The following AKAP8L variants were observed in gnomAD, a reference collection of about 807,000 sequenced individuals.
AKAP8L encodes A-kinase anchoring protein 8 like, also known as A-kinase anchor protein 8-like.
In AKAP8L, 34 loss-of-function variants were observed where a neutral mutation model predicts 77.5. The ratio of observed to expected loss-of-function variants is 0.44; its 90% confidence interval spans 0.33 to 0.58. The LOEUF (loss-of-function observed/expected upper bound fraction) is 0.58, where lower values mean the gene tolerates loss of function less well. Among genes scored for constraint, AKAP8L ranks in the 20% least tolerant of loss-of-function variants. The pLI is 0.02. For synonymous variants in AKAP8L, 342 were observed against 340.7 expected (o/e 1.00, Z -0.04); for missense variants, 806 against 887.6 (o/e 0.91, Z 1.17).
chr19:15,399,880 G>C lies in AKAP8L; in HGVS notation c.1048+415C>G, dbSNP rs1226761375. 2 of 320,428 alleles carry C rather than the reference G, an allele frequency of 6.2e-6. No homozygotes were observed. Among genetic ancestry groups the C allele is most frequent in the African/African-American group, 4.2e-5 (2 of 47,188 alleles). The allele number at this position is 320,428 out of a possible 1,614,324, so 19.8% of individuals were successfully genotyped here. On this transcript the variant is annotated intron_variant, in intron 8 of 13. Coordinates refer to ENST00000397410, the MANE Select transcript of AKAP8L (RefSeq NM_014371.4). This position sits in a 1 kb window ranked among gnomAD's most constrained non-coding sequence, Gnocchi z 6.1. ...GGGGGGACACGGAATCCCAACAGGG[G>C]CTGGAGAGGTGCTAAGGGAGAGGAT... is the stretch of plus-strand genomic sequence containing the variant.
At position 15,401,152 on chromosome 19, in the gene AKAP8L, G is replaced by A. The variant is rs755767617; in HGVS notation, c.814C>T (p.Arg272Ter). ...TWKTWTTADF[R>*]TKKKKRKQGG... ...AGGGGAAGGCTGCCTCCACTCACTC[G>A]GAAGTCGGCTGTGGTCCAGGTCTTC... The change falls in exon 5 of 14, where the codon CGA (arginine) becomes TGA (stop). Residue 272 changes from arginine to a stop codon, truncating the protein, a stop_gained and splice_region_variant. Coordinates refer to ENST00000397410, the MANE Select transcript of AKAP8L (RefSeq NM_014371.4). LOFTEE classifies it high-confidence loss of function. The surrounding 1 kb of genome is among the most constrained non-coding windows in gnomAD (Gnocchi z 6.2). 5 of 1,605,478 alleles carry A rather than the reference G, an allele frequency of 3.1e-6. No homozygotes were observed. The highest frequency in any genetic ancestry group is 1.7e-4 in the Middle Eastern group (1 of 6,052).
At chr19:15,380,711 C>A in intron 12 of AKAP8L, 99 bp from the exon 13 acceptor site, 4 of 1,042,680 alleles carry the variant, frequency 3.8e-6, no homozygotes, top group East Asian at 2.5e-5. Context: ...CCCGCCCCTG[C>A]ACCCACGCAC....
rs1326341265 is a variant in AKAP8L at position 15,400,988 on chromosome 19, G to A, written c.872C>T (p.Ala291Val). 1 of 1,613,964 alleles carries A rather than the reference G, an allele frequency of 6.2e-7. No individual in the cohort carries two copies. The highest frequency in any genetic ancestry group is 2.2e-5 in the East Asian group (1 of 44,868). ...GGSPDEPDSK[A>V]TRTDCSDNSD... Reference sequence around the variant, plus strand: ...GTTGTCCGAGCAGTCCGTGCGGGTGGCTTTGCTATCTGGCTCATCAGGACT... The same window carrying A: ...GTTGTCCGAGCAGTCCGTGCGGGTGACTTTGCTATCTGGCTCATCAGGACT... Residue 291 changes from alanine (A) to valine (V), a missense_variant, in exon 6 of 14, where the codon GCC (alanine) becomes GTC (valine). Physicochemically the swap from Ala to Val is moderately conservative, Grantham distance 64. Coordinates refer to ENST00000397410, the MANE Select transcript of AKAP8L (RefSeq NM_014371.4).
Position 15,401,576 on chromosome 19 carries a change from C to G in AKAP8L, c.390G>C (p.Ser130=), listed in dbSNP as rs376187493. Residue 130 remains serine (S), a synonymous_variant, in exon 5 of 14, where the codon TCG becomes TCC. Coordinates refer to ENST00000397410, the MANE Select transcript of AKAP8L (RefSeq NM_014371.4). The surrounding 1 kb of genome is among the most constrained non-coding windows in gnomAD (Gnocchi z 6.2). ...ERYDSYESCD[S]RAVLSERDLY... ...GGTCGCGCTCACTCAGGACGGCCCT[C>G]GAGTCGCAGGACTCATAAGAGTCAT... 5 of 1,607,428 alleles carry G rather than the reference C, an allele frequency of 3.1e-6. 1 individual carries two copies. The Middle Eastern group carries it at 8.3e-4, about 266-fold the overall frequency.
chr19:15,384,585 G>C (rs953067379), intron 12 of AKAP8L, among the ~76,000 whole-genome samples: 1 of 152,148 alleles, frequency 6.6e-6, no homozygotes, highest in African/African-American at 2.4e-5. Context: ...ACAGGCATGA[G>C]CCACCATGCC....
At chr19:15,416,858 AC>A (rs1968216919) in intron 1 of AKAP8L, among the ~76,000 whole-genome samples, 1 of 152,150 alleles carries the variant, frequency 6.6e-6, no homozygotes. Flanking sequence ...TTTATCAGTC[AC>A]CTTTTATGTT....
chr19:15,398,880 A>G lies in AKAP8L; in HGVS notation c.1157+422T>C. 2.3e-6 allele frequency: 2 copies of G among 881,008 alleles called. No homozygotes were observed. The highest frequency in any genetic ancestry group is 1.4e-6 in the Non-Finnish European group (1 of 717,194). 54.6% of individuals were successfully genotyped at this position (881,008 alleles called of 1,614,324 possible). On this transcript the variant is annotated intron_variant, in intron 9 of 13. Transcript: ENST00000397410. The surrounding 1 kb of genome is among the most constrained non-coding windows in gnomAD (Gnocchi z 9.2). The stretch of plus-strand genomic sequence containing the variant: ...CAGGCCCGAGGCTGCCACAGCCCAC[A>G]GGTGCTGCCATCTCTCCTGGGCACG...
In AKAP8L at chr19:15,401,635, G is replaced by GCC; in HGVS notation, c.363-34_363-33dup. Reference sequence around the variant, plus strand: ...AGGCATGGGGTGAGCATCAGGTGGAGCCCCTCAGGATCCCTCACCTCCAGG... The same window carrying GCC: ...AGGCATGGGGTGAGCATCAGGTGGAGCCCCCCTCAGGATCCCTCACCTCCAGG... On this transcript the variant is annotated intron_variant, in intron 4 of 13. Coordinates refer to ENST00000397410, the MANE Select transcript of AKAP8L (RefSeq NM_014371.4). The surrounding 1 kb of genome is among the most constrained non-coding windows in gnomAD (Gnocchi z 6.2). 3.3e-6 allele frequency: 5 copies of GCC among 1,504,336 alleles called. No homozygotes were observed. The highest frequency in any genetic ancestry group is 4.5e-6 in the Non-Finnish European group (5 of 1,119,014). 93.2% of individuals were successfully genotyped at this position (1,504,336 alleles called of 1,614,324 possible). A position where few individuals can be genotyped will look rare whatever the true frequency, so the allele number is the denominator to read the frequency against.
chr19:15,394,771 T>C (rs1442344600), intron 12 of AKAP8L, among the ~76,000 whole-genome samples: 1 of 152,186 alleles, frequency 6.6e-6, no homozygotes, highest in East Asian at 1.9e-4. Flanking sequence ...TCTATCTCAG[T>C]AAAGCTGTTA....
intron 12 of AKAP8L, chr19:15,381,936 C>T (rs770626175): frequency 6.6e-6 from 1 of 152,146 alleles, no homozygotes; most frequent in Non-Finnish European, 1.5e-5. Flanking sequence ...GTGATAGTGC[C>T]CAATTAACTG....
chr19:15,395,756 G>T (rs932843649), intron 12 of AKAP8L, among the ~76,000 whole-genome samples: 2 of 146,746 alleles, frequency 1.4e-5, no homozygotes, highest in Admixed American at 6.7e-5. Flanking sequence ...AGGCCGAGGC[G>T]GGCGGATCAC....
At position 15,386,929 on chromosome 19, in the gene AKAP8L, G is replaced by A. The variant is rs957800646; in HGVS notation, c.1537-6317C>T. On this transcript the variant is annotated intron_variant, in intron 12 of 13. Transcript: ENST00000397410. ...CCACCTTGGCCTCCCAAAGTGCTGG[G>A]ATTACAGGCGTGAGCCACTGTACCC... Among the ~76,000 whole-genome samples the A allele has an allele frequency of 9.9e-5, 15 of 152,166 alleles. No individual in the cohort carries two copies. The East Asian group carries it at 2.9e-3, about 29-fold the overall frequency.
At chr19:15,386,415 C>A (rs758508525) in intron 12 of AKAP8L, among the ~76,000 whole-genome samples, 82 of 152,114 alleles carry the variant, frequency 5.4e-4, no homozygotes, top group Non-Finnish European at 8.4e-4. Flanking sequence ...CATTTAAAGT[C>A]TCTGAAAATG....
chr19:15,401,450 G>A lies in AKAP8L; in HGVS notation c.516C>T (p.Gly172=). 1 of 1,613,726 alleles carries A rather than the reference G, an allele frequency of 6.2e-7. No individual in the cohort carries two copies. Residue 172 remains glycine (G), a synonymous_variant, in exon 5 of 14, where the codon GGC becomes GGT. Coordinates refer to ENST00000397410, the MANE Select transcript of AKAP8L (RefSeq NM_014371.4). This position sits in a 1 kb window ranked among gnomAD's most constrained non-coding sequence, Gnocchi z 6.2. ...GTGCCCTGGGACCGAAGGTGTCGTT[G>A]CCACGCATGCGGAACTGGTCGCGGT... ...DAYRDQFRMR[G]NDTFGPRAQG...
At chr19:15,415,432 C>G (rs1020671320) in intron 1 of AKAP8L, among the ~76,000 whole-genome samples, 1 of 152,098 alleles carries the variant, frequency 6.6e-6, no homozygotes, top group South Asian at 2.1e-4. Context: ...GAGACCCTGT[C>G]TCAACAAAAC....
intron 12 of AKAP8L, chr19:15,380,907 T>C: frequency 2.6e-6 from 1 of 383,258 alleles, no homozygotes; most frequent in African/African-American, 2.0e-5. Context: ...CTATAAGCAG[T>C]GAACAATTAA....
At position 15,380,314 on chromosome 19, in the gene AKAP8L, C is replaced by G. The variant is rs770742237; in HGVS notation, c.1749G>C (p.Glu583Asp). Residue 583 changes from glutamate to aspartate, a missense_variant, in exon 14 of 14, where the codon GAG becomes GAC. This residue lies in a region of AKAP8L where 226 missense variants were observed against 193.5 expected (regional missense o/e 1.17). Coordinates refer to ENST00000397410, the MANE Select transcript of AKAP8L (RefSeq NM_014371.4). ...GEAAGISEGA[E>D]GVPAQPPVPP... ...GCACGGGAGGCTGCGCCGGCACGCC[C>G]TCTGCGCCCTCCGAGATCCCTGCCG... 4.6e-6 allele frequency: 7 copies of G among 1,535,982 alleles called. No homozygotes were observed. Among genetic ancestry groups the G allele is most frequent in the Non-Finnish European group, 5.2e-6 (6 of 1,146,628 alleles).
intron 12 of AKAP8L, among the ~76,000 whole-genome samples, chr19:15,384,931 C>G (rs535242740): frequency 6.6e-6 from 1 of 151,126 alleles, no homozygotes; most frequent in South Asian, 2.1e-4. Context: ...AGTGCAGTGG[C>G]GCGATATCAG....
intron 12 of AKAP8L, chr19:15,383,210 C>T (rs913015364): frequency 4.6e-5 from 7 of 152,132 alleles, no homozygotes; most frequent in African/African-American, 1.7e-4. Context: ...TATTGTCTTT[C>T]TTTTTATTTT....
Sources: allele counts gnomAD v4.1 joint callset (sites outside exome capture counted in the v4.1 genomes callset), GRCh38; gene constraint gnomAD v4.1.1; regional missense constraint gnomAD v4.1.1; non-coding constraint Gnocchi (gnomAD v3.1); transcripts MANE v1.5; gene names NCBI Gene and HGNC (gene_info 2026-07-23, HGNC 2026-07-21).